Variants in PAX5 observed in about 807,000 individuals in gnomAD.
PAX5 encodes paired box 5.
In PAX5, 9 loss-of-function variants were observed where a neutral mutation model predicts 43.7. The observed-to-expected ratio is 0.21, with a 90% CI of 0.12 to 0.36. The LOEUF is 0.36. Ranked by LOEUF, PAX5 falls within the 10% of genes least tolerant of loss-of-function variation. The pLI, the probability that PAX5 is intolerant of heterozygous loss-of-function variation, is 1.00. For missense variants in PAX5, 383 were observed against 532.7 expected, an observed-to-expected ratio of 0.72 and a Z score of 2.77; for synonymous variants, 228 against 214.3, an observed-to-expected ratio of 1.06 and a Z score of -0.56.
At chr9:36,899,529 T>G (rs1303571530) in intron 7 of PAX5, among the ~76,000 whole-genome samples, 2 of 152,124 alleles carry the variant, frequency 1.3e-5, no homozygotes, top group African/African-American at 2.4e-5. Flanking sequence ...TTTGTGCCCA[T>G]AAGGACAGGA....
At chr9:36,977,816 A>T (rs1172530551) in intron 5 of PAX5, among the ~76,000 whole-genome samples, 5 of 152,230 alleles carry the variant, frequency 3.3e-5, no homozygotes. Flanking sequence ...TTAAGGATGG[A>T]GTTAGCCAAA....
At chr9:37,012,187 C>T (rs946239424) in intron 3 of PAX5, among the ~76,000 whole-genome samples, 6 of 152,268 alleles carry the variant, frequency 3.9e-5, no homozygotes, top group African/African-American at 1.2e-4. Context: ...GGGCAGCCCG[C>T]GAGGATCTGA....
intron 5 of PAX5, among the ~76,000 whole-genome samples, chr9:36,975,718 T>A (rs1352838925): frequency 5.3e-5 from 8 of 152,206 alleles, no homozygotes; most frequent in African/African-American, 1.9e-4. Context: ...TAATCCTCAA[T>A]TTTCTTATCT....
Position 36,836,318 on chromosome 9 carries a change from G to A in PAX5, c.*4242C>T, listed in dbSNP as rs11539296. On this transcript the variant is annotated 3_prime_UTR_variant, in exon 10 of 10. Coordinates refer to ENST00000358127, the MANE Select transcript of PAX5 (RefSeq NM_016734.3). ...CCTGGGAGAGTGGCAGGCTCTGGGC[G>A]TGCCCGTTTCTACCCCTGCCTTGCT... 477 of 233,340 alleles carry A rather than the reference G, an allele frequency of 2.0e-3. 2 individuals carry two copies. Among genetic ancestry groups the A allele is most frequent in the Non-Finnish European group, 3.3e-3 (391 of 118,090 alleles). 14.5% of individuals were successfully genotyped at this position (233,340 alleles called of 1,614,324 possible).
intron 5 of PAX5, among the ~76,000 whole-genome samples, chr9:36,968,611 C>CG (rs79785697): frequency 6.6e-6 from 1 of 152,062 alleles, no homozygotes; most frequent in Admixed American, 6.6e-5. Context: ...CCAGATACCC[C>CG]CACATGTGGG....
At chr9:36,865,169 G>C (rs1301265521) in intron 8 of PAX5, among the ~76,000 whole-genome samples, 1 of 152,198 alleles carries the variant, frequency 6.6e-6, no homozygotes, top group African/African-American at 2.4e-5. Flanking sequence ...ACACAGGCCA[G>C]GCACCCACTT....
At chr9:36,912,597 TCTCA>T (rs1198437985) in intron 7 of PAX5, among the ~76,000 whole-genome samples, 4 of 152,154 alleles carry the variant, frequency 2.6e-5, no homozygotes, top group Non-Finnish European at 5.9e-5. Flanking sequence ...GGGCTCCAGC[TCTCA>T]CTCACTAAAT....
rs118119174 is a variant in PAX5, at chr9:36,893,859, T to C, written c.911-11754A>G. Among the ~76,000 whole-genome samples the C allele has an allele frequency of 6.0e-3, 912 of 152,356 alleles. 3 individuals carry two copies. The highest frequency in any genetic ancestry group is 0.01 in the Non-Finnish European group (701 of 68,036). On this transcript the variant is annotated intron_variant, in intron 7 of 9. Transcript: ENST00000358127. ...ATGAACCTTTGTCATCAGAGGACGG[T>C]GACGGTATGTCACTTCAACATGATA...
intron 7 of PAX5, among the ~76,000 whole-genome samples, chr9:36,922,416 G>T (rs1007218183): frequency 6.6e-6 from 1 of 152,184 alleles, no homozygotes; most frequent in Non-Finnish European, 1.5e-5. Flanking sequence ...ACCCGAGCGG[G>T]CCTCCTGCCT....
intron 6 of PAX5, among the ~76,000 whole-genome samples, chr9:36,964,984 C>T (rs543207397): frequency 2.0e-5 from 3 of 152,170 alleles, no homozygotes; most frequent in African/African-American, 7.2e-5. Context: ...CTCCATTCCT[C>T]GTTCCTGCCG....
At chr9:36,849,135 T>C (rs1822899280) in intron 8 of PAX5, among the ~76,000 whole-genome samples, 1 of 152,246 alleles carries the variant, frequency 6.6e-6, no homozygotes, top group African/African-American at 2.4e-5. Flanking sequence ...GTGGGCATGC[T>C]TGGCCCTGCA....
At chr9:36,854,268 C>T (rs996363581) in intron 8 of PAX5, among the ~76,000 whole-genome samples, 5 of 152,180 alleles carry the variant, frequency 3.3e-5, no homozygotes, top group Non-Finnish European at 5.9e-5. Context: ...CCAGAGTGAG[C>T]GCAGGCACGG....
At chr9:36,872,881 G>A (rs1464016662) in intron 8 of PAX5, among the ~76,000 whole-genome samples, 1 of 152,162 alleles carries the variant, frequency 6.6e-6, no homozygotes, top group Non-Finnish European at 1.5e-5. Context: ...GAGGTTTCCA[G>A]GGCTGAGGTG....
intron 1 of PAX5, among the ~76,000 whole-genome samples, chr9:37,031,174 G>A (rs1483669514): frequency 6.6e-6 from 1 of 152,138 alleles, no homozygotes; most frequent in Non-Finnish European, 1.5e-5. Context: ...GGTTTTTCAA[G>A]AATCATGTAA....
At chr9:37,032,822 T>A (rs1214836926) in intron 1 of PAX5, among the ~76,000 whole-genome samples, 1 of 152,200 alleles carries the variant, frequency 6.6e-6, no homozygotes, top group Non-Finnish European at 1.5e-5. Context: ...CTCTCAGACA[T>A]AAACACATCC....
At chr9:36,880,419 T>C (rs1009517982) in intron 8 of PAX5, among the ~76,000 whole-genome samples, 37 of 152,330 alleles carry the variant, frequency 2.4e-4, no homozygotes, top group African/African-American at 7.5e-4. Flanking sequence ...GACTCCAGCA[T>C]GAGCTAGAAA....
rs556293485 is a variant in PAX5, at chr9:37,027,395, C to T, written c.46+6591G>A. 1.2e-4 allele frequency among the ~76,000 whole-genome samples: 19 copies of T among 152,370 alleles called. 1 individual carries two copies. In the South Asian group the frequency reaches 2.1e-3, roughly 17 times the overall value. On this transcript the variant is annotated intron_variant, in intron 1 of 9. Transcript: ENST00000358127. ...GACGGACTCTTCCTCGCCGGGGTGT[C>T]TACCTCGTGCCAACCAACTCTTCGA...
Position 36,936,935 on chromosome 9 carries a change from C to G in PAX5, c.781-13451G>C, listed in dbSNP as rs1489950214. On this transcript the variant is annotated intron_variant, in intron 6 of 9. Coordinates refer to ENST00000358127, the MANE Select transcript of PAX5 (RefSeq NM_016734.3). ...CCCTGTCAGAAGGAACTTCCTAACACGTGATGCTCTGCAAAGGCATACCCA... is the reference window on the plus strand; with the variant it reads ...CCCTGTCAGAAGGAACTTCCTAACAGGTGATGCTCTGCAAAGGCATACCCA... 2.6e-5 allele frequency among the ~76,000 whole-genome samples: 4 copies of G among 152,300 alleles called. No individual in the cohort carries two copies. In the East Asian group the frequency reaches 5.8e-4, roughly 22 times the overall value.
chr9:36,862,935 C>A (rs1464972523), intron 8 of PAX5, among the ~76,000 whole-genome samples: 1 of 152,178 alleles, frequency 6.6e-6, no homozygotes, highest in Non-Finnish European at 1.5e-5. Flanking sequence ...GCAGGGCAGG[C>A]ACGCAGGGAA....
Sources: allele counts gnomAD v4.1 joint callset (sites outside exome capture counted in the v4.1 genomes callset), GRCh38; gene constraint gnomAD v4.1.1; transcripts MANE v1.5; gene names NCBI Gene and HGNC (gene_info 2026-07-23, HGNC 2026-07-21).